The following ADCY2 variants were observed in gnomAD, a reference collection of about 807,000 sequenced individuals.
The protein encoded by ADCY2 is adenylate cyclase 2, also known as adenylate cyclase type 2.
Under a neutral mutation model 125.2 loss-of-function variants are expected in ADCY2, and 31 were observed. That is an observed-to-expected ratio of 0.25 (90% CI 0.19 to 0.33). ADCY2 has a LOEUF of 0.33. Among genes scored for constraint, ADCY2 ranks in the 10% least tolerant of loss-of-function variants. The pLI is 1.00. For missense variants in ADCY2, 904 were observed against 1,418.2 expected, an observed-to-expected ratio of 0.64 and a Z score of 5.82; for synonymous variants, 512 against 548.4, an observed-to-expected ratio of 0.93 and a Z score of 0.93.
chr5:7,677,259 C>T (rs1053709148), intron 4 of ADCY2, among the ~76,000 whole-genome samples: 2 of 151,856 alleles, frequency 1.3e-5, no homozygotes, highest in Non-Finnish European at 2.9e-5. Flanking sequence ...GCCTGAGCAA[C>T]AAAAGAGAAA....
At chr5:7,783,795 A>G (rs962522294) in intron 18 of ADCY2, among the ~76,000 whole-genome samples, 1 of 152,168 alleles carries the variant, frequency 6.6e-6, no homozygotes, top group Non-Finnish European at 1.5e-5. Context: ...TGAATGACTG[A>G]TGTCATTTAT....
chr5:7,543,411 A>G (rs1735055036), intron 3 of ADCY2, among the ~76,000 whole-genome samples: 1 of 152,026 alleles, frequency 6.6e-6, no homozygotes, highest in Non-Finnish European at 1.5e-5. Context: ...TCTTTGAAAA[A>G]ATAAATCTTC....
intron 3 of ADCY2, among the ~76,000 whole-genome samples, chr5:7,543,529 T>C (rs1735057847): frequency 6.6e-6 from 1 of 152,044 alleles, no homozygotes; most frequent in African/African-American, 2.4e-5. Context: ...CAGTCCTAGG[T>C]TCCCCAACAG....
At chr5:7,410,615 T>C (rs1184899827) in intron 1 of ADCY2, among the ~76,000 whole-genome samples, 4 of 152,216 alleles carry the variant, frequency 2.6e-5, no homozygotes, top group African/African-American at 9.6e-5. Flanking sequence ...TCATTTAGTA[T>C]GCATTATATG....
At chr5:7,416,350 C>T (rs779882661) in intron 2 of ADCY2, among the ~76,000 whole-genome samples, 2 of 152,210 alleles carry the variant, frequency 1.3e-5, no homozygotes, top group Non-Finnish European at 2.9e-5. Context: ...CACTCTCCCA[C>T]TAGAGCCCCT....
chr5:7,610,497 C>T (rs1014974102), intron 3 of ADCY2, among the ~76,000 whole-genome samples: 1 of 151,716 alleles, frequency 6.6e-6, no homozygotes, highest in Non-Finnish European at 1.5e-5. Flanking sequence ...TTCGGTGGTG[C>T]CTTGGGTTGC....
chr5:7,665,993 T>C (rs2914297), intron 4 of ADCY2, among the ~76,000 whole-genome samples: 41,778 of 145,392 alleles, frequency 0.29, 6,240 homozygotes, highest in Admixed American at 0.45. Context: ...CACCCGCCAC[T>C]ATGCCCGGCT....
chr5:7,470,858 T>G (rs1483066720), intron 2 of ADCY2, among the ~76,000 whole-genome samples: 8 of 151,758 alleles, frequency 5.3e-5, no homozygotes, highest in Admixed American at 6.6e-5. Context: ...TATTAATTAT[T>G]CAGACAGAGG....
At chr5:7,675,855 A>T (rs1014822065) in intron 4 of ADCY2, among the ~76,000 whole-genome samples, 1 of 152,212 alleles carries the variant, frequency 6.6e-6, no homozygotes, top group African/African-American at 2.4e-5. Context: ...GAGGACTCCA[A>T]TGAGTTTACT....
chr5:7,674,147 G>A (rs578115263), intron 4 of ADCY2, among the ~76,000 whole-genome samples: 4 of 152,220 alleles, frequency 2.6e-5, no homozygotes, highest in African/African-American at 2.4e-5. Flanking sequence ...TGGCCCCCAC[G>A]GCATCACTCC....
At chr5:7,682,581 A>C (rs1038427962) in intron 4 of ADCY2, among the ~76,000 whole-genome samples, 3 of 152,176 alleles carry the variant, frequency 2.0e-5, no homozygotes, top group Non-Finnish European at 4.4e-5. Flanking sequence ...TCAAGACTGA[A>C]TCTGGGAGGG....
chr5:7,649,453 A>C (rs563695340), intron 4 of ADCY2, among the ~76,000 whole-genome samples: 1 of 152,350 alleles, frequency 6.6e-6, no homozygotes, highest in Non-Finnish European at 1.5e-5. Context: ...ATTTCTAGAG[A>C]GAGGAAGAGA....
intron 20 of ADCY2, chr5:7,794,958 A>G (rs561767683): frequency 8.1e-4 from 123 of 152,146 alleles, no homozygotes; most frequent in African/African-American, 2.9e-3. Context: ...GGTTTCCCCA[A>G]GCAGAAGCCC....
rs182967882 is a variant in ADCY2, at chr5:7,558,928, A to G, written c.570+38029A>G. 6.1e-3 allele frequency among the ~76,000 whole-genome samples: 797 copies of G among 131,622 alleles called. 7 individuals carry two copies. Among genetic ancestry groups the G allele is most frequent in the African/African-American group, 0.022 (757 of 35,082 alleles). The allele number at this position is 131,622 out of a possible 152,430, so 86.3% of individuals were successfully genotyped here. ...CTAGCCAGTTATCCTAGCACCATTT[A>G]TGGAATCCTTTCCCCATTGCTTGTT... is the stretch of plus-strand genomic sequence containing the variant. On this transcript the variant is annotated intron_variant, in intron 3 of 24. Coordinates refer to ENST00000338316, the MANE Select transcript of ADCY2 (RefSeq NM_020546.3).
At chr5:7,742,735 C>T (rs1008028553) in intron 14 of ADCY2, among the ~76,000 whole-genome samples, 2 of 152,174 alleles carry the variant, frequency 1.3e-5, no homozygotes, top group African/African-American at 4.8e-5. Context: ...CAGCTTGTGG[C>T]TGGCTTATAT....
At chr5:7,550,752 A>T (rs1254552522) in intron 3 of ADCY2, among the ~76,000 whole-genome samples, 1 of 152,062 alleles carries the variant, frequency 6.6e-6, no homozygotes, top group East Asian at 1.9e-4. Flanking sequence ...CCAGCATGGT[A>T]TCCCATGCCC....
At chr5:7,619,355 T>C (rs1737877022) in intron 3 of ADCY2, among the ~76,000 whole-genome samples, 1 of 152,146 alleles carries the variant, frequency 6.6e-6, no homozygotes, top group South Asian at 2.1e-4. Flanking sequence ...TCTGGTAGTG[T>C]TGCTTTGCAG....
intron 17 of ADCY2, among the ~76,000 whole-genome samples, chr5:7,767,263 G>C (rs900050918): frequency 2.0e-5 from 3 of 152,102 alleles, no homozygotes; most frequent in African/African-American, 7.2e-5. Context: ...CTGTTCCCTA[G>C]TAATTCTTGC....
At chr5:7,706,634 TTTCC>T in intron 7 of ADCY2, 106 bp from the exon 8 acceptor site, 2 of 1,323,150 alleles carry the variant, frequency 1.5e-6, no homozygotes, top group Non-Finnish European at 2.1e-6. Context: ...TTTATGGTCA[TTTCC>T]GACAGTTTGA....
Sources: gnomAD v4.1 joint callset for allele counts (sites outside exome capture counted in the v4.1 genomes callset) on GRCh38, gnomAD v4.1.1 for gene constraint, MANE v1.5 for transcripts, NCBI Gene and HGNC (gene_info 2026-07-23, HGNC 2026-07-21) for gene names.